Variants in TCP11L2 observed in about 807,000 individuals in gnomAD.
TCP11L2 encodes the protein t-complex 11 like 2.
A neutral mutation model predicts 50.7 loss-of-function variants in TCP11L2; 39 were observed. That is an observed-to-expected ratio of 0.77 (90% confidence interval 0.60 to 1.01). The LOEUF (loss-of-function observed/expected upper bound fraction) is 1.01. Among genes scored for constraint, TCP11L2 ranks in the 50% least tolerant of loss-of-function variants. The pLI is 0.00. For synonymous variants in TCP11L2, 192 were observed against 219.3 expected, an observed-to-expected ratio of 0.88 and a Z score of 1.10; for missense variants, 612 against 614.7, an observed-to-expected ratio of 1.00 and a Z score of 0.05.
Position 106,321,529 on chromosome 12 carries a change from A to G in TCP11L2, c.458A>G (p.Asn153Ser), listed in dbSNP as rs761756927. The change falls in exon 5 of 10, where the codon AAC (asparagine) becomes AGC (serine). Residue 153 changes from asparagine to serine, a missense_variant. Coordinates refer to ENST00000299045, the MANE Select transcript of TCP11L2 (RefSeq NM_152772.3). ...ACTCCCGGTGGCAACCGGCTTCGCA[A>G]CCAAATCTGTGAAGTTTTGGACACA... Reference protein sequence around the residue: ...FLTPGGNRLRNQICEVLDTDL... With the variant: ...FLTPGGNRLRSQICEVLDTDL... 6.2e-7 allele frequency: 1 copy of G among 1,614,192 alleles called. No homozygotes were observed. The highest frequency in any genetic ancestry group is 8.5e-7 in the Non-Finnish European group (1 of 1,180,046).
At chr12:106,342,023 T>C (rs2036106151) in intron 9 of TCP11L2, among the ~76,000 whole-genome samples, 1 of 151,784 alleles carries the variant, frequency 6.6e-6, no homozygotes, top group African/African-American at 2.4e-5. Context: ...AAAATCAGAG[T>C]ATTGTGGCCA....
At chr12:106,318,630 G>A (rs2136681624) in intron 4 of TCP11L2, among the ~76,000 whole-genome samples, 166 bp downstream of exon 4, 1 of 152,352 alleles carries the variant, frequency 6.6e-6, no homozygotes, top group Admixed American at 6.5e-5. Flanking sequence ...CATCTGGTGA[G>A]GGCTCACTCC....
chr12:106,329,673 G>A (rs951093810), intron 6 of TCP11L2: 33 of 1,177,472 alleles, frequency 2.8e-5, no homozygotes, highest in Non-Finnish European at 7.4e-6. Flanking sequence ...CCACACTGTT[G>A]CTTTTGTTCA....
chr12:106,318,262 G>T, intron 3 of TCP11L2, 82 bp from the exon 4 acceptor site: 2 of 1,479,032 alleles, frequency 1.4e-6, no homozygotes, highest in African/African-American at 1.4e-5. Flanking sequence ...CATTTTATAA[G>T]ATTTCTACAA....
In TCP11L2 at chr12:106,318,388, A is replaced by T. The variant is rs1244600140; in HGVS notation, c.338A>T (p.Asp113Val). 6.2e-7 allele frequency: 1 copy of T among 1,614,086 alleles called. No individual in the cohort carries two copies. The highest frequency in any genetic ancestry group is 8.5e-7 in the Non-Finnish European group (1 of 1,179,950). ...CACATTGTTCACCAGGCCTTCTGGGACGTCTTGGATTCAGAACTAAATGCT... is the reference window on the plus strand; with the variant it reads ...CACATTGTTCACCAGGCCTTCTGGGTCGTCTTGGATTCAGAACTAAATGCT... ...VKHIVHQAFWDVLDSELNADP... is the reference protein window; with the variant it reads ...VKHIVHQAFWVVLDSELNADP... The change falls in exon 4 of 10, where the codon GAC becomes GTC. Residue 113 changes from aspartate to valine, a missense_variant. Transcript: ENST00000299045.
chr12:106,341,428 T>C (rs1014394591), intron 9 of TCP11L2, among the ~76,000 whole-genome samples: 1 of 152,146 alleles, frequency 6.6e-6, no homozygotes, highest in African/African-American at 2.4e-5. Context: ...TAGGCTTCTT[T>C]TTGTAATGGT....
chr12:106,329,300 G>A (rs1018641636), intron 6 of TCP11L2: 4 of 1,535,952 alleles, frequency 2.6e-6, no homozygotes, highest in African/African-American at 2.7e-5. Flanking sequence ...ATAAACGAAT[G>A]AGTGGAAAAA....
upstream of TCP11L2, among the ~76,000 whole-genome samples, chr12:106,299,412 C>T (rs1283139402): frequency 6.6e-6 from 1 of 152,208 alleles, no homozygotes; most frequent in Non-Finnish European, 1.5e-5. Flanking sequence ...CCACTAGACT[C>T]ATATTCTGTG....
chr12:106,340,325 C>T (rs4509864), intron 8 of TCP11L2, among the ~76,000 whole-genome samples: 49,576 of 152,024 alleles, frequency 0.33, 8,576 homozygotes, highest in African/African-American at 0.42. Flanking sequence ...GCTTATTATC[C>T]TTGGTCATGA....
chr12:106,301,934 C>G (rs1381711701), upstream of TCP11L2: 1 of 152,260 alleles, frequency 6.6e-6, no homozygotes, highest in African/African-American at 2.4e-5. Context: ...TTTGCACGCA[C>G]GCCAAGTCTT....
At chr12:106,325,862 G>A (rs2035519031) in intron 6 of TCP11L2, 1 of 135,878 alleles carries the variant, frequency 7.4e-6, no homozygotes, top group Non-Finnish European at 1.5e-5. Flanking sequence ...TTGCACTCCA[G>A]CCTGGGGGGC....
intron 3 of TCP11L2, among the ~76,000 whole-genome samples, chr12:106,316,415 C>T (rs552933913): frequency 2.0e-5 from 3 of 152,146 alleles, no homozygotes; most frequent in East Asian, 3.9e-4. Flanking sequence ...GCTGTCCCTC[C>T]TGCTTGCTGT....
At chr12:106,305,789 G>A in intron 1 of TCP11L2, among the ~76,000 whole-genome samples, 1 of 152,186 alleles carries the variant, frequency 6.6e-6, no homozygotes, top group East Asian at 1.9e-4. Context: ...GGAGATCAGG[G>A]AGAGGAACAT....
At position 106,328,412 on chromosome 12, in the gene TCP11L2, C is replaced by T. The variant is rs1016912150; in HGVS notation, c.772+4766C>T. Among the ~76,000 whole-genome samples the T allele has an allele frequency of 7.2e-5, 11 of 152,260 alleles. No individual in the cohort carries two copies. The South Asian group carries it at 8.3e-4, about 11-fold the overall frequency. On this transcript the variant is annotated intron_variant, in intron 6 of 9. Coordinates refer to ENST00000299045, the MANE Select transcript of TCP11L2 (RefSeq NM_152772.3). Reference sequence around the variant, plus strand: ...TACAAAAATTAGCCGGGTGTGGTGGCGCGTGCCTGTGATCCTAGCTACTTA... The same window carrying T: ...TACAAAAATTAGCCGGGTGTGGTGGTGCGTGCCTGTGATCCTAGCTACTTA...
intron 2 of TCP11L2, chr12:106,312,372 A>T: frequency 8.1e-7 from 1 of 1,240,002 alleles, no homozygotes; most frequent in South Asian, 1.4e-5. Flanking sequence ...CAAAGTATAT[A>T]GACATTTTTA....
At chr12:106,330,115 G>A (rs2035696069) in intron 6 of TCP11L2, 1 of 985,232 alleles carries the variant, frequency 1.0e-6, no homozygotes, top group African/African-American at 1.7e-5. Flanking sequence ...TGTTTCTAGT[G>A]GGAAACCTTA....
rs771951691 is a variant in TCP11L2, at chr12:106,346,354, A to C, written c.1384A>C (p.Met462Leu). 1.2e-6 allele frequency: 2 copies of C among 1,613,728 alleles called. No homozygotes were observed. Among genetic ancestry groups the C allele is most frequent in the Non-Finnish European group, 1.7e-6 (2 of 1,179,592 alleles). Reference protein sequence around the residue: ...LPSPQKCMPPMPGGLAVIQQE... With the variant: ...LPSPQKCMPPLPGGLAVIQQE... ...AAGCCCTCAAAAATGCATGCCTCCT[A>C]TGCCAGGAGGCCTAGCTGTCATTCA... is the stretch of plus-strand genomic sequence containing the variant. The change falls in exon 10 of 10, where the codon ATG (methionine) becomes CTG (leucine). Residue 462 changes from methionine to leucine, a missense_variant. Coordinates refer to ENST00000299045, the MANE Select transcript of TCP11L2 (RefSeq NM_152772.3).
At position 106,308,272 on chromosome 12, in the gene TCP11L2, A is replaced by G. The variant is rs556132115; in HGVS notation, c.-35-2769A>G. On this transcript the variant is annotated intron_variant, in intron 1 of 9. Coordinates refer to ENST00000299045, the MANE Select transcript of TCP11L2 (RefSeq NM_152772.3). The stretch of plus-strand genomic sequence containing the variant: ...TTGGAGCATCATATATTCCTTGCTG[A>G]GAGAAACCTTATGACTGGCCCAACC... Among the ~76,000 whole-genome samples the G allele has an allele frequency of 2.6e-5, 4 of 152,288 alleles. No homozygotes were observed. The South Asian group carries it at 6.2e-4, about 24-fold the overall frequency.
At position 106,346,525 on chromosome 12, in the gene TCP11L2, A is replaced by C; in HGVS notation, c.1555A>C (p.Asn519His). The C allele has an allele frequency of 6.2e-7, 1 of 1,611,008 alleles. No homozygotes were observed. The highest frequency in any genetic ancestry group is 8.5e-7 in the Non-Finnish European group (1 of 1,178,522). The change falls in exon 10 of 10, where the codon AAC (asparagine) becomes CAC (histidine). Residue 519 changes from asparagine to histidine, a missense_variant. Physicochemically the swap from Asn to His is moderately conservative, Grantham distance 68 (BLOSUM62 1). Coordinates refer to ENST00000299045, the MANE Select transcript of TCP11L2 (RefSeq NM_152772.3). ...GAAGGTAGATGCTTCACCTCCTACT[A>C]ACTAAAGAAGAACTGACATTGGACG... ...MGKVDASPPT[N>H]
Sources: gnomAD v4.1 joint callset for allele counts (sites outside exome capture counted in the v4.1 genomes callset) on GRCh38, gnomAD v4.1.1 for gene constraint, MANE v1.5 for transcripts, NCBI Gene and HGNC (gene_info 2026-07-23, HGNC 2026-07-21) for gene names.